Variants in PCDHA8 observed in about 807,000 individuals in gnomAD.
The protein encoded by PCDHA8 is protocadherin alpha-8.
Under a neutral mutation model 61.8 loss-of-function variants are expected in PCDHA8, and 53 were observed. That is an observed-to-expected ratio of 0.86 (90% confidence interval 0.69 to 1.08). The LOEUF (loss-of-function observed/expected upper bound fraction) is 1.08. PCDHA8 is among the 50% of genes least tolerant of loss of function. The pLI, the probability that PCDHA8 is intolerant of heterozygous loss-of-function variation, is 0.00. For missense variants in PCDHA8, 1,293 were observed against 1,245.0 expected, an observed-to-expected ratio of 1.04 and a Z score of -0.58; for synonymous variants, 618 against 556.6, an observed-to-expected ratio of 1.11 and a Z score of -1.55.
intron 1 of PCDHA8, among the ~76,000 whole-genome samples, chr5:140,844,016 T>G (rs1779187078): frequency 6.7e-6 from 1 of 149,762 alleles, no homozygotes; most frequent in Non-Finnish European, 1.5e-5. Flanking sequence ...CTAAGGACGT[T>G]CAGGGCATTT....
chr5:140,960,848 A>G (rs2095575135), intron 1 of PCDHA8, among the ~76,000 whole-genome samples: 1 of 152,212 alleles, frequency 6.6e-6, no homozygotes, highest in Non-Finnish European at 1.5e-5. Context: ...GTTTAATGGC[A>G]ACTATAAGCC....
chr5:140,842,048 G>A lies in PCDHA8; in HGVS notation c.727G>A (p.Glu243Lys), dbSNP rs2150328015. ...LDVNDNAPTF[E>K]QSEYEVRIFE... ...TGTGAATGATAATGCTCCCACTTTCGAACAGTCTGAATACGAAGTAAGAAT... is the reference window on the plus strand; with the variant it reads ...TGTGAATGATAATGCTCCCACTTTCAAACAGTCTGAATACGAAGTAAGAAT... The change falls in exon 1 of 4, where the codon GAA becomes AAA. Residue 243 changes from glutamate (E) to lysine (K), a missense_variant. Transcript: ENST00000531613. 6.2e-7 allele frequency: 1 copy of A among 1,613,798 alleles called. No homozygotes were observed.
chr5:140,968,206 G>A lies in PCDHA8; in HGVS notation c.2395-10743G>A, dbSNP rs782751494. Reference sequence around the variant, plus strand: ...ACTCCTATTCCATCTACATACAGGAGAACAATTTGCCAGGTGTGTTGCTCT... The same window carrying A: ...ACTCCTATTCCATCTACATACAGGAAAACAATTTGCCAGGTGTGTTGCTCT... On this transcript the variant is annotated intron_variant, in intron 1 of 3. Coordinates refer to ENST00000531613, the MANE Select transcript of PCDHA8 (RefSeq NM_018911.3). 170 of 1,613,876 alleles carry A rather than the reference G, an allele frequency of 1.1e-4. 1 individual carries two copies. Among genetic ancestry groups the A allele is most frequent in the Non-Finnish European group, 1.4e-4 (163 of 1,180,042 alleles).
intron 1 of PCDHA8, chr5:140,858,024 C>G: frequency 6.3e-7 from 1 of 1,596,700 alleles, no homozygotes; most frequent in Non-Finnish European, 8.6e-7. Context: ...CCGTCGCTGA[C>G]GGCCACGGCC....
chr5:140,869,896 A>T (rs781921753), intron 1 of PCDHA8: 7 of 1,610,768 alleles, frequency 4.3e-6, no homozygotes, highest in Non-Finnish European at 4.2e-6. Context: ...GCTCAAACTA[A>T]ACGCCACAGA....
At chr5:140,862,736 T>C in intron 1 of PCDHA8, 1 of 575,338 alleles carries the variant, frequency 1.7e-6, no homozygotes, top group South Asian at 1.4e-5. Flanking sequence ...TCTAGCTATG[T>C]GTGGGTGCAC....
At chr5:140,871,033 C>G (rs201299652) in intron 1 of PCDHA8, 336 of 1,613,234 alleles carry the variant, frequency 2.1e-4, no homozygotes, top group Non-Finnish European at 2.7e-4. Flanking sequence ...CTCGCCGCGC[C>G]ACCGACTTCT....
intron 1 of PCDHA8, chr5:140,856,524 CG>C (rs2044059008): frequency 6.3e-7 from 1 of 1,598,296 alleles, no homozygotes; most frequent in African/African-American, 1.3e-5. Flanking sequence ...GCATCTGATG[CG>C]GATGTTGGAG....
At chr5:140,871,198 C>T (rs540384431) in intron 1 of PCDHA8, 3 of 1,613,730 alleles carry the variant, frequency 1.9e-6, no homozygotes, top group African/African-American at 1.3e-5. Context: ...CAACGTGTAC[C>T]TGATCATCGC....
At chr5:140,999,977 C>T (rs1554257051) in intron 3 of PCDHA8, among the ~76,000 whole-genome samples, 1 of 152,068 alleles carries the variant, frequency 6.6e-6, no homozygotes, top group Non-Finnish European at 1.5e-5. Flanking sequence ...GCAGCTCTAG[C>T]GGCCTCTGGG....
intron 1 of PCDHA8, among the ~76,000 whole-genome samples, chr5:140,905,749 C>T (rs1442006265): frequency 6.6e-6 from 1 of 152,162 alleles, no homozygotes; most frequent in Non-Finnish European, 1.5e-5. Flanking sequence ...AGATCTTTCA[C>T]CTCCTTGGTT....
At chr5:140,862,769 C>A (rs782429555) in intron 1 of PCDHA8, 1 of 578,770 alleles carries the variant, frequency 1.7e-6, no homozygotes. Context: ...AAGAGGTACG[C>A]GTTGCAGCCA....
At chr5:140,874,459 G>A (rs569536068) in intron 1 of PCDHA8, among the ~76,000 whole-genome samples, 3 of 152,196 alleles carry the variant, frequency 2.0e-5, no homozygotes, top group African/African-American at 7.2e-5. Flanking sequence ...GACCTGTAGG[G>A]GAAGATTTAG....
rs146613275 is a variant in PCDHA8, at chr5:140,871,400, C to G, written c.2394+27685C>G. ...TGCTCTGAGGAGGGCCCACCTAAGA[C>G]GGACCTCATGGCCTTCAGCCCCAGT... On this transcript the variant is annotated intron_variant, in intron 1 of 3. Transcript: ENST00000531613. The G allele has an allele frequency of 1.8e-4, 284 of 1,614,130 alleles. 1 individual carries two copies. The African/African-American group carries it at 2.8e-3, about 16-fold the overall frequency.
chr5:140,902,185 T>TTCTC (rs370111655), intron 1 of PCDHA8, among the ~76,000 whole-genome samples: 1 of 150,794 alleles, frequency 6.6e-6, no homozygotes, highest in African/African-American at 2.4e-5. Context: ...CCTTTATGTC[T>TTCTC]TCTCTCTCTC....
At chr5:140,900,559 G>A (rs542075943) in intron 1 of PCDHA8, among the ~76,000 whole-genome samples, 2 of 152,314 alleles carry the variant, frequency 1.3e-5, no homozygotes, top group African/African-American at 2.4e-5. Context: ...TTACAGGCGT[G>A]AGCCACGGCA....
intron 1 of PCDHA8, chr5:140,875,191 C>A: frequency 4.0e-6 from 2 of 502,492 alleles, no homozygotes; most frequent in Non-Finnish European, 6.4e-6. Flanking sequence ...TAAGAGTGAC[C>A]CAGGAAGTGG....
chr5:140,884,160 T>G lies in PCDHA8; in HGVS notation c.2394+40445T>G. 2 of 1,613,366 alleles carry G rather than the reference T, an allele frequency of 1.2e-6. No homozygotes were observed. The highest frequency in any genetic ancestry group is 1.7e-6 in the Non-Finnish European group (2 of 1,179,734). Reference sequence around the variant, plus strand: ...CGCGTGGGGCTGTACACTGGCGAGATCAGCACGACGCGCCCTCTGGACGAG... The same window carrying G: ...CGCGTGGGGCTGTACACTGGCGAGAGCAGCACGACGCGCCCTCTGGACGAG... On this transcript the variant is annotated intron_variant, in intron 1 of 3. Coordinates refer to ENST00000531613, the MANE Select transcript of PCDHA8 (RefSeq NM_018911.3).
rs1197189729 is a variant in PCDHA8, at chr5:141,011,926, G to A, written c.*1989G>A. On this transcript the variant is annotated 3_prime_UTR_variant, in exon 4 of 4. Transcript: ENST00000531613. ...TTAGGCATTAATATAAAAGAGGTAG[G>A]AGTCTGTTATTTAAAAAAAGCATTA... 1 of 153,498 alleles carries A rather than the reference G, an allele frequency of 6.5e-6. No individual in the cohort carries two copies. Among genetic ancestry groups the A allele is most frequent in the African/African-American group, 2.4e-5 (1 of 41,380 alleles). 9.5% of individuals were successfully genotyped at this position (153,498 alleles called of 1,614,324 possible).
Sources: allele counts gnomAD v4.1 joint callset (sites outside exome capture counted in the v4.1 genomes callset), GRCh38; gene constraint gnomAD v4.1.1; transcripts MANE v1.5; gene names NCBI Gene and HGNC (gene_info 2026-07-23, HGNC 2026-07-21).